The following MYT1L variants were observed in gnomAD, a reference collection of about 807,000 sequenced individuals.
MYT1L encodes the protein myelin transcription factor 1-like protein.
MYT1L carries 12 observed loss-of-function variants against 126.7 expected under a neutral mutation model. That is an observed-to-expected ratio of 0.09 (90% CI 0.06 to 0.15). MYT1L has a LOEUF of 0.15. Ranked by LOEUF, MYT1L falls within the 10% of genes least tolerant of loss-of-function variation. The pLI is 1.00. For missense variants in MYT1L, 979 were observed against 1,585.2 expected (o/e 0.62, Z 6.49); for synonymous variants, 541 against 604.2 (o/e 0.90, Z 1.53).
At chr2:2,151,176 C>G (rs2085728261) in intron 3 of MYT1L, among the ~76,000 whole-genome samples, 1 of 152,148 alleles carries the variant, frequency 6.6e-6, no homozygotes, top group South Asian at 2.1e-4. Context: ...GCTTTAGAGT[C>G]TCTTAGTAAA....
chr2:2,080,634 C>G (rs897325918), intron 3 of MYT1L, among the ~76,000 whole-genome samples: 13 of 152,028 alleles, frequency 8.6e-5, no homozygotes, highest in African/African-American at 2.9e-4. Context: ...CAATAGATAC[C>G]TCTTCATATT....
At chr2:2,017,140 T>C (rs186390868) in intron 4 of MYT1L, among the ~76,000 whole-genome samples, 2 of 152,180 alleles carry the variant, frequency 1.3e-5, no homozygotes, top group African/African-American at 4.8e-5. Context: ...GCCGTATTCA[T>C]GGACTCGTAG....
At chr2:1,951,206 T>A (rs2057721549) in intron 8 of MYT1L, among the ~76,000 whole-genome samples, 1 of 151,952 alleles carries the variant, frequency 6.6e-6, no homozygotes, top group Non-Finnish European at 1.5e-5. Context: ...AGGGCTGAAG[T>A]GTTGGTTTGG....
chr2:2,046,293 C>T (rs889563841), intron 4 of MYT1L, among the ~76,000 whole-genome samples: 2 of 152,198 alleles, frequency 1.3e-5, no homozygotes, highest in Non-Finnish European at 2.9e-5. Flanking sequence ...GGTTTTTTCA[C>T]CCTGTACATT....
At chr2:1,814,250 C>T (rs986389945) in intron 21 of MYT1L, among the ~76,000 whole-genome samples, 5 of 152,108 alleles carry the variant, frequency 3.3e-5, no homozygotes, top group Non-Finnish European at 7.3e-5. Flanking sequence ...CTGTCCCCAT[C>T]CAACTGACCT....
At chr2:2,186,427 T>A (rs2092207265) in intron 2 of MYT1L, among the ~76,000 whole-genome samples, 1 of 152,232 alleles carries the variant, frequency 6.6e-6, no homozygotes, top group African/African-American at 2.4e-5. Context: ...GAAGCCAAGA[T>A]AGCGTGCTCA....
chr2:2,188,163 C>G (rs767414958), intron 2 of MYT1L, among the ~76,000 whole-genome samples: 1 of 152,164 alleles, frequency 6.6e-6, no homozygotes, highest in Non-Finnish European at 1.5e-5. Flanking sequence ...CACTTCCTTC[C>G]CATGGCAAAA....
chr2:1,940,888 G>A (rs2056570454), intron 9 of MYT1L, among the ~76,000 whole-genome samples: 2 of 152,252 alleles, frequency 1.3e-5, no homozygotes, highest in African/African-American at 4.8e-5. Flanking sequence ...TCTGGCCGCA[G>A]AGTTAGAAAT....
chr2:2,294,438 A>G (rs2095642782), intron 1 of MYT1L, among the ~76,000 whole-genome samples: 1 of 152,178 alleles, frequency 6.6e-6, no homozygotes, highest in South Asian at 2.1e-4. Flanking sequence ...TCAGCACAGC[A>G]TCACCCAGAA....
At chr2:2,125,478 G>A (rs969813882) in intron 3 of MYT1L, among the ~76,000 whole-genome samples, 11 of 152,164 alleles carry the variant, frequency 7.2e-5, no homozygotes, top group African/African-American at 9.7e-5. Context: ...GCAGGAAACA[G>A]GTACATTCTG....
intron 8 of MYT1L, among the ~76,000 whole-genome samples, chr2:1,967,651 G>A (rs899857922): frequency 3.3e-5 from 5 of 152,216 alleles, no homozygotes; most frequent in Admixed American, 6.5e-5. Context: ...TGCCTTCTGC[G>A]CAGCTGCAGC....
intron 2 of MYT1L, among the ~76,000 whole-genome samples, chr2:2,183,413 A>G (rs1012058198): frequency 5.9e-5 from 9 of 152,096 alleles, no homozygotes; most frequent in East Asian, 1.9e-4. Context: ...AGGAAGAGAG[A>G]AGGAGCCTGG....
intron 2 of MYT1L, among the ~76,000 whole-genome samples, chr2:2,246,985 T>C (rs940086818): frequency 3.9e-5 from 6 of 152,094 alleles, no homozygotes; most frequent in Non-Finnish European, 8.8e-5. Context: ...GAGAATGTAA[T>C]TGGGTGGTAT....
intron 1 of MYT1L, among the ~76,000 whole-genome samples, chr2:2,313,034 A>T (rs978381904): frequency 6.6e-6 from 1 of 151,554 alleles, no homozygotes; most frequent in Non-Finnish European, 1.5e-5. Context: ...GAAGAAGAAA[A>T]GAATGAAAAT....
intron 2 of MYT1L, among the ~76,000 whole-genome samples, chr2:2,206,167 G>C (rs2093311834): frequency 6.6e-6 from 1 of 151,896 alleles, no homozygotes; most frequent in African/African-American, 2.4e-5. Context: ...TAGTAGAGAT[G>C]GGGTTTCACC....
In MYT1L at chr2:1,922,219, T is replaced by C; in HGVS notation, c.1483+67A>G. On this transcript the variant is annotated intron_variant, in intron 10 of 24. Coordinates refer to ENST00000647738, the MANE Select transcript of MYT1L (RefSeq NM_001303052.2). This position sits in a 1 kb window ranked among gnomAD's most constrained non-coding sequence, Gnocchi z 7.4. ...TGTGAGTCACACTTTAACTGTAGAC[T>C]ACCACCAACATCCTTTACCCTAGCT... 1.3e-6 allele frequency: 2 copies of C among 1,563,200 alleles called. No homozygotes were observed. The highest frequency in any genetic ancestry group is 4.5e-5 in the East Asian group (2 of 44,414).
chr2:2,015,938 G>A lies in MYT1L; in HGVS notation c.-157-18591C>T, dbSNP rs544935919. 5.3e-5 allele frequency among the ~76,000 whole-genome samples: 8 copies of A among 152,290 alleles called. No homozygotes were observed. The South Asian group carries it at 6.2e-4, about 12-fold the overall frequency. On this transcript the variant is annotated intron_variant, in intron 4 of 24. Transcript: ENST00000647738. ...GTGGGACTCCCAGGTCAGGAGGCTC[G>A]CTGCAATCATGGTACAGCAGAACAA...
chr2:2,296,699 G>T (rs1331605504), intron 1 of MYT1L, among the ~76,000 whole-genome samples: 1 of 152,176 alleles, frequency 6.6e-6, no homozygotes, highest in East Asian at 1.9e-4. Context: ...GACACTTCAA[G>T]AACGGGTGCC....
chr2:2,196,779 G>A (rs1289711101), intron 2 of MYT1L, among the ~76,000 whole-genome samples: 1 of 151,756 alleles, frequency 6.6e-6, no homozygotes, highest in Non-Finnish European at 1.5e-5. Flanking sequence ...AATACTAAAT[G>A]CAAATAAGAT....
Sources: allele counts gnomAD v4.1 joint callset (sites outside exome capture counted in the v4.1 genomes callset), GRCh38; gene constraint gnomAD v4.1.1; non-coding constraint Gnocchi (gnomAD v3.1); transcripts MANE v1.5; gene names NCBI Gene and HGNC (gene_info 2026-07-23, HGNC 2026-07-21).